SVOPL: variants seen among roughly 807,000 people sequenced by gnomAD.
The protein encoded by SVOPL is putative transporter SVOPL.
Under a neutral mutation model 61.0 loss-of-function variants are expected in SVOPL, and 60 were observed. The observed-to-expected ratio is 0.98, with a 90% CI of 0.80 to 1.22. The LOEUF is 1.22. Among genes scored for constraint, SVOPL ranks in the 50% most tolerant of loss-of-function variants. The pLI is 0.00. For synonymous variants in SVOPL, 279 were observed against 250.0 expected (o/e 1.12, Z -1.09); for missense variants, 662 against 643.9 (o/e 1.03, Z -0.30).
At chr7:138,676,947 G>A (rs574549065) in intron 3 of SVOPL, among the ~76,000 whole-genome samples, 16 of 113,904 alleles carry the variant, frequency 1.4e-4, no homozygotes, top group African/African-American at 5.2e-4. Flanking sequence ...TCTGTCATCA[G>A]GGCTGGAGTG....
intron 14 of SVOPL, among the ~76,000 whole-genome samples, chr7:138,610,521 A>G (rs1414230651): frequency 1.3e-5 from 2 of 152,200 alleles, no homozygotes; most frequent in Non-Finnish European, 2.9e-5. Flanking sequence ...TTGTGTTTTC[A>G]GGATGGAAGA....
intron 6 of SVOPL, among the ~76,000 whole-genome samples, chr7:138,659,190 A>T (rs1801887364): frequency 6.6e-6 from 1 of 152,140 alleles, no homozygotes; most frequent in South Asian, 2.1e-4. Flanking sequence ...AACCAATGCC[A>T]ATCAGAAAAT....
intron 8 of SVOPL, chr7:138,646,128 A>G: frequency 4.9e-6 from 1 of 203,092 alleles, no homozygotes. Context: ...TGTTTTTCTG[A>G]TCATTTTCTG....
At chr7:138,617,289 G>T (rs1334612812) in intron 14 of SVOPL, among the ~76,000 whole-genome samples, 1 of 152,136 alleles carries the variant, frequency 6.6e-6, no homozygotes, top group Non-Finnish European at 1.5e-5. Context: ...CATTTTAAAA[G>T]AGACTTTTGT....
In SVOPL at chr7:138,594,453, GT is replaced by G. The variant is rs1208717477; in HGVS notation, c.*156del. ...TCCTCAAGGAAGAGATCAATATACA[GT>G]TACCTACCCCATTCCCATATATGCC... On this transcript the variant is annotated 3_prime_UTR_variant, in exon 16 of 16. Coordinates refer to ENST00000674285, the MANE Select transcript of SVOPL (RefSeq NM_001139456.2). The G allele has an allele frequency of 1.5e-5, 7 of 477,700 alleles. No individual in the cohort carries two copies. Among genetic ancestry groups the G allele is most frequent in the African/African-American group, 1.4e-4 (7 of 50,234 alleles). The allele number at this position is 477,700 out of a possible 1,614,324, so 29.6% of individuals were successfully genotyped here. A position where few individuals can be genotyped will look rare whatever the true frequency, so the allele number is the denominator to read the frequency against.
chr7:138,601,126 C>T (rs1307478672), intron 14 of SVOPL, among the ~76,000 whole-genome samples: 9 of 151,892 alleles, frequency 5.9e-5, no homozygotes, highest in Admixed American at 1.3e-4. Flanking sequence ...GTGGCAGGCA[C>T]CTGTAGTCCC....
rs1802642334 is a variant in SVOPL at position 138,679,037 on chromosome 7, G to A, written c.9C>T (p.Thr3=). The change falls in exon 2 of 16, where the codon ACC becomes ACT. Residue 3 remains threonine (T), a synonymous_variant. Coordinates refer to ENST00000674285, the MANE Select transcript of SVOPL (RefSeq NM_001139456.2). MA[T]KPTEPVTILS... is the part of the protein sequence containing the mutation. ...GGATCGTGACAGGCTCTGTTGGCTT[G>A]GTTGCCATCTTCTAAATAGCTCAAG... The A allele has an allele frequency of 6.4e-7, 1 of 1,551,526 alleles. No homozygotes were observed. Among genetic ancestry groups the A allele is most frequent in the African/African-American group, 1.4e-5 (1 of 73,122 alleles).
At chr7:138,637,460 A>ATC (rs1800535758) in intron 9 of SVOPL, among the ~76,000 whole-genome samples, 2 of 17,820 alleles carry the variant, frequency 1.1e-4, no homozygotes, top group South Asian at 4.9e-3. Context: ...AGATAGATAT[A>ATC]TATATATAGA....
At chr7:138,608,412 C>T (rs903514155) in intron 14 of SVOPL, among the ~76,000 whole-genome samples, 2 of 152,172 alleles carry the variant, frequency 1.3e-5, no homozygotes, top group African/African-American at 2.4e-5. Context: ...AGGCCAATTG[C>T]GGGAACATAA....
intron 5 of SVOPL, chr7:138,661,093 A>T: frequency 2.0e-6 from 2 of 985,228 alleles, no homozygotes; most frequent in Non-Finnish European, 2.4e-6. Flanking sequence ...TATGCTATTT[A>T]TTTCATGTAC....
intron 5 of SVOPL, chr7:138,662,800 T>C (rs1802056899): frequency 7.2e-6 from 9 of 1,246,578 alleles, no homozygotes; most frequent in Non-Finnish European, 9.1e-6. Context: ...TTCCTTCCTT[T>C]AATCCTTCTG....
At chr7:138,600,693 C>G (rs1798478210) in intron 14 of SVOPL, among the ~76,000 whole-genome samples, 1 of 152,054 alleles carries the variant, frequency 6.6e-6, no homozygotes, top group South Asian at 2.1e-4. Context: ...ATAGACATTT[C>G]TCCAAAGAAG....
chr7:138,615,414 G>A (rs962594697), intron 14 of SVOPL, among the ~76,000 whole-genome samples: 6 of 151,932 alleles, frequency 3.9e-5, no homozygotes, highest in African/African-American at 7.3e-5. Context: ...AAAATTAGCC[G>A]GGCGTGGTGG....
Position 138,622,110 on chromosome 7 carries a change from C to CTATG in SVOPL, c.1264-976_1264-975insCATA, listed in dbSNP as rs1563096285. On this transcript the variant is annotated intron_variant, in intron 13 of 15. Transcript: ENST00000674285. ...TCTATGTATCTATCTATCTATCTAT[C>CTATG]TATCTATCTATGTATCTATCTATCT... 1.4e-4 allele frequency among the ~76,000 whole-genome samples: 5 copies of CTATG among 36,584 alleles called. 1 individual carries two copies. The highest frequency in any genetic ancestry group is 2.6e-4 in the Non-Finnish European group (4 of 15,108). 24.0% of individuals were successfully genotyped at this position (36,584 alleles called of 152,430 possible). A position where few individuals can be genotyped will look rare whatever the true frequency, so the allele number is the denominator to read the frequency against.
chr7:138,629,153 G>GAGTGTGTGTA (rs1800043787), intron 10 of SVOPL, among the ~76,000 whole-genome samples: 1 of 147,282 alleles, frequency 6.8e-6, no homozygotes, highest in South Asian at 2.2e-4. Flanking sequence ...GTGTGTGTGT[G>GAGTGTGTGTA]TATATATGTA....
intron 15 of SVOPL, among the ~76,000 whole-genome samples, chr7:138,596,096 G>A (rs891332454): frequency 2.0e-5 from 3 of 151,022 alleles, no homozygotes; most frequent in African/African-American, 7.3e-5. Context: ...GGCTGAGGCA[G>A]GAGAAGCACT....
At chr7:138,610,898 G>A (rs1659822) in intron 14 of SVOPL, among the ~76,000 whole-genome samples, 33,038 of 152,136 alleles carry the variant, frequency 0.22, 3,855 homozygotes, top group East Asian at 0.46. Context: ...ATCCAGGTGG[G>A]ATTTACACAG....
intron 5 of SVOPL, chr7:138,662,732 C>G (rs928869586): frequency 1.4e-5 from 15 of 1,102,052 alleles, no homozygotes; most frequent in African/African-American, 1.6e-5. Flanking sequence ...ATCTAACCAA[C>G]CCATGACTGC....
At position 138,663,134 on chromosome 7, in the gene SVOPL, A is replaced by T; in HGVS notation, c.285T>A (p.Phe95Leu). The change falls in exon 5 of 16, where the codon TTT (phenylalanine) becomes TTA (leucine). Residue 95 changes from phenylalanine (F) to leucine (L), a missense_variant. By Grantham distance (22) the Phe-to-Leu change is conservative (BLOSUM62 0). Transcript: ENST00000674285. The stretch of plus-strand genomic sequence containing the variant: ...AGAGGATACTGAAAACCATGTAGCC[A>T]AAAAACACCATCTGCAAGTGGGAGC... ...QVALVTTMVF[F>L]GYMVFSILFG... The T allele has an allele frequency of 1.9e-6, 3 of 1,613,886 alleles. No individual in the cohort carries two copies. Among genetic ancestry groups the T allele is most frequent in the Non-Finnish European group, 2.5e-6 (3 of 1,179,954 alleles).
Sources: gnomAD v4.1 joint callset for allele counts (sites outside exome capture counted in the v4.1 genomes callset) on GRCh38, gnomAD v4.1.1 for gene constraint, MANE v1.5 for transcripts, NCBI Gene and HGNC (gene_info 2026-07-23, HGNC 2026-07-21) for gene names.